Variants in SELENOO observed in about 807,000 individuals in gnomAD.
SELENOO encodes selenoprotein O.
Under a neutral mutation model 58.7 loss-of-function variants are expected in SELENOO, and 74 were observed. The observed-to-expected ratio is 1.26, with a 90% CI of 1.04 to 1.53. The LOEUF (loss-of-function observed/expected upper bound fraction) is 1.53, where lower values mean the gene tolerates loss of function less well. SELENOO is among the 40% of genes most tolerant of loss of function. The pLI is 0.00. For synonymous variants in SELENOO, 543 were observed against 453.2 expected, an observed-to-expected ratio of 1.20 and a Z score of -2.52; for missense variants, 1,149 against 970.0, an observed-to-expected ratio of 1.18 and a Z score of -2.45.
In SELENOO at chr22:50,210,163, C is replaced by T. The variant is rs2064358157; in HGVS notation, c.940-18C>T. 1.2e-6 allele frequency: 2 copies of T among 1,609,922 alleles called. No homozygotes were observed. The highest frequency in any genetic ancestry group is 4.5e-5 in the East Asian group (2 of 44,812). ...GGCAGGACCCCGAGGAGGGAGCAAGCACACTGTCCCACCCCAGGTGACGCG... is the reference window on the plus strand; with the variant it reads ...GGCAGGACCCCGAGGAGGGAGCAAGTACACTGTCCCACCCCAGGTGACGCG... On this transcript the variant is annotated intron_variant, in intron 3 of 8. Transcript: ENST00000380903.
intron 4 of SELENOO, 122 bp from the exon 5 acceptor site, chr22:50,210,509 G>C: frequency 6.9e-7 from 1 of 1,458,652 alleles, no homozygotes; most frequent in Non-Finnish European, 9.4e-7. Context: ...ACCCCTGTGG[G>C]ACAGGGCCAG....
chr22:50,201,238 G>C lies in SELENOO; in HGVS notation c.202G>C (p.Glu68Gln), dbSNP rs2064297070. 5.3e-6 allele frequency: 6 copies of C among 1,123,852 alleles called. No homozygotes were observed. The highest frequency in any genetic ancestry group is 5.0e-5 in the Admixed American group (1 of 20,116). 69.6% of individuals were successfully genotyped at this position (1,123,852 alleles called of 1,614,324 possible). A position where few individuals can be genotyped will look rare whatever the true frequency, so the allele number is the denominator to read the frequency against. ...CGTGGAGGCGCCGCCGCCCGGTCCCGAGGGCGCCCCGTCCGCGCCGCGGCC... is the reference window on the plus strand; with the variant it reads ...CGTGGAGGCGCCGCCGCCCGGTCCCCAGGGCGCCCCGTCCGCGCCGCGGCC... ...LPVEAPPPGP[E>Q]GAPSAPRPVP... Residue 68 changes from glutamate to glutamine, a missense_variant, in exon 1 of 9, where the codon GAG becomes CAG. By Grantham distance (29) the Glu-to-Gln change is conservative. Transcript: ENST00000380903.
intron 1 of SELENOO, among the ~76,000 whole-genome samples, chr22:50,202,925 GA>G (rs2064312534): frequency 6.6e-6 from 1 of 152,050 alleles, no homozygotes; most frequent in Admixed American, 6.5e-5. Flanking sequence ...AAAACATGAA[GA>G]AAATAAAGAA....
At chr22:50,203,860 TTAAAA>T (rs2064316671) in intron 1 of SELENOO, among the ~76,000 whole-genome samples, 1 of 152,086 alleles carries the variant, frequency 6.6e-6, no homozygotes, top group Non-Finnish European at 1.5e-5. Flanking sequence ...CATGAACACT[TTAAAA>T]ATTAGGCATA....
At chr22:50,206,199 A>G (rs1268362974) in intron 1 of SELENOO, 118 bp from the exon 2 acceptor site, 4 of 838,272 alleles carry the variant, frequency 4.8e-6, no homozygotes, top group Non-Finnish European at 7.6e-6. Context: ...GGCGGTTTTC[A>G]GGGACGTGCA....
chr22:50,217,178 A>T (rs1347456385), intron 8 of SELENOO, 27 bp from the exon 9 acceptor site: 1 of 1,610,734 alleles, frequency 6.2e-7, no homozygotes, highest in African/African-American at 1.3e-5. Flanking sequence ...TCGGCCCCAG[A>T]CCCCTCTCAC....
At chr22:50,212,391 G>A (rs917614486) in intron 5 of SELENOO, among the ~76,000 whole-genome samples, 1 of 152,154 alleles carries the variant, frequency 6.6e-6, no homozygotes, top group African/African-American at 2.4e-5. Flanking sequence ...TTCTGTGTCA[G>A]GTAGTTTGTC....
At position 50,210,178 on chromosome 22, in the gene SELENOO, C is replaced by A; in HGVS notation, c.940-3C>A. 6.2e-7 allele frequency: 1 copy of A among 1,612,746 alleles called. No individual in the cohort carries two copies. The highest frequency in any genetic ancestry group is 8.5e-7 in the Non-Finnish European group (1 of 1,179,630). ...AGGGAGCAAGCACACTGTCCCACCCCAGGTGACGCGGCGCACGGCGCGGAT... is the reference window on the plus strand; with the variant it reads ...AGGGAGCAAGCACACTGTCCCACCCAAGGTGACGCGGCGCACGGCGCGGAT... On this transcript the variant is annotated splice_region_variant and splice_polypyrimidine_tract_variant and intron_variant, in intron 3 of 8. Transcript: ENST00000380903.
intron 5 of SELENOO, among the ~76,000 whole-genome samples, chr22:50,214,282 C>T (rs1291322600): frequency 6.6e-6 from 1 of 152,064 alleles, no homozygotes; most frequent in Non-Finnish European, 1.5e-5. Context: ...GCTGGGATTA[C>T]AGGGGTGAGC....
intron 2 of SELENOO, 129 bp downstream of exon 2, chr22:50,206,649 G>A (rs1044462964): frequency 1.2e-6 from 1 of 811,656 alleles, no homozygotes. Flanking sequence ...TGAAAGTCCA[G>A]CCTGTCCCTG....
At position 50,217,025 on chromosome 22, in the gene SELENOO, C is replaced by A. The variant is rs755717149; in HGVS notation, c.1742C>A (p.Ala581Asp). 6.2e-7 allele frequency: 1 copy of A among 1,612,074 alleles called. No individual in the cohort carries two copies. Among genetic ancestry groups the A allele is most frequent in the Non-Finnish European group, 8.5e-7 (1 of 1,179,882 alleles). Residue 581 changes from alanine (A) to aspartate (D), a missense_variant, in exon 8 of 9, where the codon GCT becomes GAT. Physicochemically the swap from Ala to Asp is moderately radical, Grantham distance 126. Coordinates refer to ENST00000380903, the MANE Select transcript of SELENOO (RefSeq NM_031454.2). ...EGAGDAAAWQ[A>D]EHVRVMHANN... ...GCTGGGGACGCTGCCGCCTGGCAGG[C>A]TGAGCACGTGCGCGTGATGCACGCC...
intron 5 of SELENOO, among the ~76,000 whole-genome samples, chr22:50,211,210 T>C (rs2064369308): frequency 2.0e-5 from 3 of 152,194 alleles, no homozygotes; most frequent in South Asian, 4.1e-4. Flanking sequence ...AGCATCCCGT[T>C]GTGTGGACAG....
At chr22:50,204,365 G>A (rs373845373) in intron 1 of SELENOO, among the ~76,000 whole-genome samples, 12 of 152,172 alleles carry the variant, frequency 7.9e-5, no homozygotes, top group Non-Finnish European at 1.3e-4. Context: ...AGTGGCTCAC[G>A]CCTGTAATCC....
In SELENOO at chr22:50,217,267, C is replaced by T. The variant is rs761960038; in HGVS notation, c.1908C>T (p.Asp636=). 39 of 1,612,002 alleles carry T rather than the reference C, an allele frequency of 2.4e-5. No homozygotes were observed. Among genetic ancestry groups the T allele is most frequent in the Non-Finnish European group, 2.7e-5 (32 of 1,179,630 alleles). The stretch of plus-strand genomic sequence containing the variant: ...ACTGCGAGGCGGGGGCCGCCACAGA[C>T]GCCGAGGCCACGGAAGCCGACGGGG... ...PYHCEAGAAT[D]AEATEADGAD... is the part of the protein sequence containing the mutation. Residue 636 remains aspartate, a synonymous_variant, in exon 9 of 9, where the codon GAC becomes GAT. Transcript: ENST00000380903.
At chr22:50,212,756 G>A (rs1234324345) in intron 5 of SELENOO, among the ~76,000 whole-genome samples, 1 of 151,778 alleles carries the variant, frequency 6.6e-6, no homozygotes, top group Non-Finnish European at 1.5e-5. Flanking sequence ...TGTAAGTGGA[G>A]TTACGCAGCG....
Position 50,217,312 on chromosome 22 carries a change from C to T in SELENOO, c.1953C>T (p.Ser651=), listed in dbSNP as rs2064427936. The T allele has an allele frequency of 1.9e-6, 3 of 1,612,856 alleles. No homozygotes were observed. Among genetic ancestry groups the T allele is most frequent in the Non-Finnish European group, 2.5e-6 (3 of 1,179,928 alleles). Residue 651 remains serine (S), a synonymous_variant, in exon 9 of 9, where the codon TCC becomes TCT. Coordinates refer to ENST00000380903, the MANE Select transcript of SELENOO (RefSeq NM_031454.2). ...ACGGGGCGGACGGCAGGCAGCGCTCCTACAGCAGTAAGCCCCCGCTCTGGG... is the reference window on the plus strand; with the variant it reads ...ACGGGGCGGACGGCAGGCAGCGCTCTTACAGCAGTAAGCCCCCGCTCTGGG... The part of the protein sequence containing the change: ...EADGADGRQR[S]YSSKPPLWAA...
chr22:50,204,111 A>T (rs974818804), intron 1 of SELENOO, among the ~76,000 whole-genome samples: 1 of 152,268 alleles, frequency 6.6e-6, no homozygotes, highest in South Asian at 2.1e-4. Context: ...ATCAATCATT[A>T]GGGAAATGCA....
intron 5 of SELENOO, among the ~76,000 whole-genome samples, chr22:50,214,796 A>C (rs1467456002): frequency 1.3e-5 from 2 of 152,232 alleles, no homozygotes; most frequent in African/African-American, 4.8e-5. Flanking sequence ...CTGTGAGTTT[A>C]AGAGTCGCCT....
rs759626758 is a variant in SELENOO at position 50,215,870 on chromosome 22, G to GGGTACT, written c.1502+4_1502+9dup. ...TTCCGGCCCCAGATGGATCCCCGGTGGGTACTCAGTTCCTACTTCTTTGGA... is the reference window on the plus strand; with the variant it reads ...TTCCGGCCCCAGATGGATCCCCGGTGGGTACTGGTACTCAGTTCCTACTTCTTTGGA... On this transcript the variant is annotated splice_donor_region_variant and intron_variant, in intron 6 of 8. Transcript: ENST00000380903. The GGGTACT allele has an allele frequency of 4.4e-6, 7 of 1,602,778 alleles. No homozygotes were observed. The South Asian group carries it at 6.6e-5, about 15-fold the overall frequency.
Sources: gnomAD v4.1 joint callset for allele counts (sites outside exome capture counted in the v4.1 genomes callset) on GRCh38, gnomAD v4.1.1 for gene constraint, MANE v1.5 for transcripts, NCBI Gene and HGNC (gene_info 2026-07-23, HGNC 2026-07-21) for gene names.